RABGAP1L: variants seen among roughly 807,000 people sequenced by gnomAD.
The protein encoded by RABGAP1L is rab GTPase-activating protein 1-like.
RABGAP1L carries 63 observed loss-of-function variants against 137.7 expected under a neutral mutation model. The ratio of observed to expected loss-of-function variants is 0.46; its 90% CI spans 0.37 to 0.56. The LOEUF (loss-of-function observed/expected upper bound fraction) is 0.56, where lower values mean the gene tolerates loss of function less well. RABGAP1L is among the 20% of genes least tolerant of loss of function. The pLI is 0.00. For missense variants in RABGAP1L, 1,095 were observed against 1,244.0 expected, an observed-to-expected ratio of 0.88 and a Z score of 1.80; for synonymous variants, 431 against 433.7, an observed-to-expected ratio of 0.99 and a Z score of 0.08.
At chr1:174,943,723 C>T (rs1666267780) in intron 19 of RABGAP1L, among the ~76,000 whole-genome samples, 1 of 151,882 alleles carries the variant, frequency 6.6e-6, no homozygotes, top group African/African-American at 2.4e-5. Context: ...ATCCCAGCTG[C>T]TCAGGAGGCT....
rs558664509 is a variant in RABGAP1L, at chr1:174,460,254, TTA to T, written c.1710+66110_1710+66111del. On this transcript the variant is annotated intron_variant, in intron 13 of 25. Coordinates refer to ENST00000681986, the MANE Select transcript of RABGAP1L (RefSeq NM_001366446.1). ...CTTCCTTTTTTTCCTCCTCATTCAT[TTA>T]GTTATTTTTATTTTTAATTGTCAAA... Among the ~76,000 whole-genome samples, 11 of 152,094 alleles carry T rather than the reference TTA, an allele frequency of 7.2e-5. 1 individual carries two copies. In the South Asian group the frequency reaches 2.3e-3, roughly 32 times the overall value.
intron 7 of RABGAP1L, among the ~76,000 whole-genome samples, chr1:174,270,036 G>C (rs1674422051): frequency 6.6e-6 from 1 of 152,144 alleles, no homozygotes; most frequent in Non-Finnish European, 1.5e-5. Context: ...CTTTAATGAA[G>C]TGTAATTTTG....
At chr1:174,268,020 T>C (rs1291418014) in intron 7 of RABGAP1L, among the ~76,000 whole-genome samples, 2 of 152,204 alleles carry the variant, frequency 1.3e-5, no homozygotes, top group Middle Eastern at 3.2e-3. Flanking sequence ...ATTGACACAA[T>C]AGAAGATTTG....
At chr1:174,252,022 C>T (rs887619477) in intron 6 of RABGAP1L, among the ~76,000 whole-genome samples, 2 of 151,836 alleles carry the variant, frequency 1.3e-5, no homozygotes, top group African/African-American at 4.8e-5. Flanking sequence ...TCAGCCTCCC[C>T]AGTAGCTGGG....
At chr1:174,708,631 C>T (rs189308952) in intron 17 of RABGAP1L, among the ~76,000 whole-genome samples, 1 of 152,338 alleles carries the variant, frequency 6.6e-6, no homozygotes, top group Non-Finnish European at 1.5e-5. Context: ...ACACTTTTCC[C>T]ATGGTCTTCG....
rs932924806 is a variant in RABGAP1L, at chr1:174,927,068, G to A, written c.2341-30389G>A. On this transcript the variant is annotated intron_variant, in intron 19 of 25. Transcript: ENST00000681986. ...AGCCTGGGTGACAGAATAAGACTCC[G>A]TCTCAAAAAAAAAAAAAAGTGGGGG... Among the ~76,000 whole-genome samples the A allele has an allele frequency of 7.5e-5, 11 of 146,740 alleles. No homozygotes were observed. The East Asian group carries it at 2.2e-3, about 30-fold the overall frequency.
intron 13 of RABGAP1L, among the ~76,000 whole-genome samples, chr1:174,576,688 G>C (rs1668398359): frequency 1.3e-5 from 2 of 152,112 alleles, no homozygotes; most frequent in African/African-American, 4.8e-5. Context: ...GGTTCCCTGA[G>C]AGCTCACCTG....
chr1:174,659,069 G>A (rs986922641), intron 14 of RABGAP1L, among the ~76,000 whole-genome samples: 8 of 152,172 alleles, frequency 5.3e-5, no homozygotes, highest in African/African-American at 1.7e-4. Context: ...AATCAAATGG[G>A]TTATTTGAAA....
chr1:174,698,571 A>C (rs1444594471), intron 15 of RABGAP1L, among the ~76,000 whole-genome samples: 1 of 152,190 alleles, frequency 6.6e-6, no homozygotes, highest in Non-Finnish European at 1.5e-5. Context: ...AGGTTTATTG[A>C]AGCTTTATAT....
At chr1:174,179,697 A>G (rs775731508) in intron 1 of RABGAP1L, among the ~76,000 whole-genome samples, 1 of 152,196 alleles carries the variant, frequency 6.6e-6, no homozygotes, top group African/African-American at 2.4e-5. Context: ...GCATCATCAC[A>G]TTAGCACAGT....
intron 13 of RABGAP1L, among the ~76,000 whole-genome samples, chr1:174,412,754 G>A (rs1348555803): frequency 6.6e-6 from 1 of 152,022 alleles, no homozygotes; most frequent in African/African-American, 2.4e-5. Context: ...TTCTTAGTTG[G>A]AATTTTTTTT....
rs1473324341 is a variant in RABGAP1L at position 174,652,991 on chromosome 1, C to T, written c.1824+15503C>T. On this transcript the variant is annotated intron_variant, in intron 14 of 25. Coordinates refer to ENST00000681986, the MANE Select transcript of RABGAP1L (RefSeq NM_001366446.1). ...CTGCTGCCTTTCTTTCAGAGAAGCCCTGCCTAGAGAGGAGGAATCTAGAGA... is the reference window on the plus strand; with the variant it reads ...CTGCTGCCTTTCTTTCAGAGAAGCCTTGCCTAGAGAGGAGGAATCTAGAGA... Among the ~76,000 whole-genome samples the T allele has an allele frequency of 3.9e-5, 6 of 152,192 alleles. No homozygotes were observed. The East Asian group carries it at 1.2e-3, about 29-fold the overall frequency.
At chr1:174,290,975 G>A (rs1440805116) in intron 10 of RABGAP1L, among the ~76,000 whole-genome samples, 1 of 152,000 alleles carries the variant, frequency 6.6e-6, no homozygotes, top group African/African-American at 2.4e-5. Flanking sequence ...GCCCAGGCTG[G>A]TCTTGAACTC....
chr1:174,415,355 A>G (rs1650427311), intron 13 of RABGAP1L, among the ~76,000 whole-genome samples: 1 of 152,126 alleles, frequency 6.6e-6, no homozygotes, highest in Non-Finnish European at 1.5e-5. Context: ...TATTCCTAAT[A>G]AGTGATGAAC....
chr1:174,850,236 G>A (rs1404316538), intron 19 of RABGAP1L: 2 of 277,584 alleles, frequency 7.2e-6, no homozygotes, highest in Non-Finnish European at 1.4e-5. Context: ...AACCTCCGGG[G>A]TACCCTAGAA....
chr1:174,613,526 A>G (rs1453089467), intron 13 of RABGAP1L, among the ~76,000 whole-genome samples: 4 of 152,158 alleles, frequency 2.6e-5, no homozygotes, highest in Admixed American at 6.5e-5. Context: ...AAAAGAATGT[A>G]TATTCTGTTG....
chr1:174,871,569 G>A (rs1652198634), intron 19 of RABGAP1L, among the ~76,000 whole-genome samples: 1 of 152,200 alleles, frequency 6.6e-6, no homozygotes, highest in Non-Finnish European at 1.5e-5. Flanking sequence ...ATGCAGGCAT[G>A]TGAGGTCCCA....
At chr1:174,421,429 A>G (rs914049412) in intron 13 of RABGAP1L, among the ~76,000 whole-genome samples, 22 of 152,212 alleles carry the variant, frequency 1.4e-4, no homozygotes, top group Admixed American at 7.9e-4. Flanking sequence ...TGTTTCAGTG[A>G]CATATTCAGG....
intron 1 of RABGAP1L, among the ~76,000 whole-genome samples, chr1:174,201,046 T>C (rs550963903): frequency 1.6e-4 from 24 of 152,196 alleles, no homozygotes; most frequent in Non-Finnish European, 3.1e-4. Flanking sequence ...GTGCTCACTT[T>C]GGTCGTTAAT....
Sources: allele counts gnomAD v4.1 joint callset (sites outside exome capture counted in the v4.1 genomes callset), GRCh38; gene constraint gnomAD v4.1.1; transcripts MANE v1.5; gene names NCBI Gene and HGNC (gene_info 2026-07-23, HGNC 2026-07-21).